The following BRINP3 variants were observed in gnomAD, a reference collection of about 807,000 sequenced individuals.
BRINP3 encodes the protein BMP/retinoic acid-inducible neural-specific protein 3.
Under a neutral mutation model 71.0 loss-of-function variants are expected in BRINP3, and 19 were observed. The observed-to-expected ratio is 0.27, with a 90% CI of 0.19 to 0.39. The LOEUF is 0.39. BRINP3 is among the 10% of genes least tolerant of loss of function. The pLI, the probability that BRINP3 is intolerant of heterozygous loss-of-function variation, is 1.00. For missense variants in BRINP3, 959 were observed against 940.8 expected (o/e 1.02, Z -0.25); for synonymous variants, 380 against 337.7 (o/e 1.13, Z -1.37).
chr1:190,368,824 T>C (rs537669231), intron 2 of BRINP3, among the ~76,000 whole-genome samples: 3 of 152,192 alleles, frequency 2.0e-5, no homozygotes, highest in Non-Finnish European at 1.5e-5. Flanking sequence ...CGTCTTTAGA[T>C]GAATGTACAC....
chr1:190,404,642 G>A (rs761000275), intron 2 of BRINP3, among the ~76,000 whole-genome samples: 1 of 152,072 alleles, frequency 6.6e-6, no homozygotes, highest in Non-Finnish European at 1.5e-5. Context: ...TCTTTCATAC[G>A]CATTATGTCA....
At chr1:190,300,569 G>A (rs997945757) in intron 2 of BRINP3, among the ~76,000 whole-genome samples, 1 of 152,174 alleles carries the variant, frequency 6.6e-6, no homozygotes, top group Non-Finnish European at 1.5e-5. Context: ...CCAGCACGCA[G>A]CTGGAGATCT....
intron 6 of BRINP3, among the ~76,000 whole-genome samples, chr1:190,223,885 A>G (rs1042970152): frequency 6.6e-6 from 1 of 151,898 alleles, no homozygotes; most frequent in African/African-American, 2.4e-5. Context: ...AAGCAACCTC[A>G]TTTACTATGG....
chr1:190,188,786 G>A (rs1434571437), intron 6 of BRINP3, among the ~76,000 whole-genome samples: 1 of 151,464 alleles, frequency 6.6e-6, no homozygotes, highest in African/African-American at 2.4e-5. Context: ...ACATGGTGGA[G>A]TCTTGCTCTT....
intron 6 of BRINP3, among the ~76,000 whole-genome samples, chr1:190,222,988 A>T (rs1166836715): frequency 2.0e-5 from 3 of 151,874 alleles, no homozygotes; most frequent in Admixed American, 6.6e-5. Flanking sequence ...ATAAAAAAAA[A>T]ATTAACAAGC....
At chr1:190,138,143 G>A (rs532138351) in intron 7 of BRINP3, among the ~76,000 whole-genome samples, 12 of 151,916 alleles carry the variant, frequency 7.9e-5, no homozygotes, top group Non-Finnish European at 1.6e-4. Flanking sequence ...TAGTAAAGAC[G>A]GGGTTTCTCC....
chr1:190,440,895 TA>T (rs1234904735), intron 2 of BRINP3, among the ~76,000 whole-genome samples: 1 of 151,864 alleles, frequency 6.6e-6, no homozygotes, highest in Non-Finnish European at 1.5e-5. Flanking sequence ...ACAATTCTAA[TA>T]AAAAACTGAA....
intron 2 of BRINP3, among the ~76,000 whole-genome samples, chr1:190,346,721 G>C (rs1668046283): frequency 6.6e-6 from 1 of 151,946 alleles, no homozygotes; most frequent in South Asian, 2.1e-4. Flanking sequence ...TGAGTACCCA[G>C]TTTAGACTTT....
chr1:190,212,544 GT>G (rs1656076970), intron 6 of BRINP3, among the ~76,000 whole-genome samples: 2 of 152,002 alleles, frequency 1.3e-5, no homozygotes, highest in Admixed American at 6.6e-5. Flanking sequence ...AGATTATGAT[GT>G]TTTCAGTTTC....
intron 2 of BRINP3, among the ~76,000 whole-genome samples, chr1:190,346,634 T>C (rs1668040127): frequency 6.6e-6 from 1 of 152,128 alleles, no homozygotes; most frequent in Admixed American, 6.6e-5. Context: ...CATTTTTTAA[T>C]ACAAAGTGCT....
At chr1:190,368,849 T>C (rs1007232567) in intron 2 of BRINP3, among the ~76,000 whole-genome samples, 1 of 152,176 alleles carries the variant, frequency 6.6e-6, no homozygotes, top group Admixed American at 6.5e-5. Context: ...TGCATAGACA[T>C]ATAGATTAGA....
At chr1:190,181,089 C>T (rs1019880649) in intron 6 of BRINP3, among the ~76,000 whole-genome samples, 2 of 152,084 alleles carry the variant, frequency 1.3e-5, no homozygotes, top group African/African-American at 4.8e-5. Context: ...CTGGCAAACA[C>T]TACCCAATCG....
intron 2 of BRINP3, among the ~76,000 whole-genome samples, chr1:190,426,581 C>T (rs1243850628): frequency 6.6e-6 from 1 of 151,668 alleles, no homozygotes; most frequent in Non-Finnish European, 1.5e-5. Context: ...TTTGGGATTT[C>T]AGATTTTTCA....
chr1:190,355,893 T>C (rs1259507655), intron 2 of BRINP3, among the ~76,000 whole-genome samples: 1 of 151,960 alleles, frequency 6.6e-6, no homozygotes, highest in African/African-American at 2.4e-5. Flanking sequence ...GAGTATAGGA[T>C]TGCATTTCTA....
intron 2 of BRINP3, among the ~76,000 whole-genome samples, chr1:190,350,014 A>G (rs1668272180): frequency 6.6e-6 from 1 of 152,122 alleles, no homozygotes; most frequent in Non-Finnish European, 1.5e-5. Context: ...GAATAAAAGG[A>G]GAATACAAGG....
intron 6 of BRINP3, among the ~76,000 whole-genome samples, chr1:190,207,879 A>G (rs1020923784): frequency 5.3e-5 from 8 of 152,112 alleles, no homozygotes; most frequent in Non-Finnish European, 1.0e-4. Context: ...TTGATAGCAA[A>G]TATTAACCGT....
chr1:190,104,097 T>C (rs1299614588), intron 7 of BRINP3, among the ~76,000 whole-genome samples: 7 of 152,028 alleles, frequency 4.6e-5, no homozygotes. Context: ...AAGTTTTGTT[T>C]CACAGAATAA....
chr1:190,452,447 A>G (rs1469957501), intron 2 of BRINP3, among the ~76,000 whole-genome samples: 1 of 152,258 alleles, frequency 6.6e-6, no homozygotes, highest in Non-Finnish European at 1.5e-5. Context: ...AGTGAGTTGC[A>G]TAAAAACCAA....
chr1:190,320,371 A>T (rs1351446610), intron 2 of BRINP3, among the ~76,000 whole-genome samples: 1 of 152,144 alleles, frequency 6.6e-6, no homozygotes, highest in Non-Finnish European at 1.5e-5. Flanking sequence ...CACAATGAAC[A>T]TTGTTAGGAG....
Sources: gnomAD v4.1 joint callset for allele counts (sites outside exome capture counted in the v4.1 genomes callset) on GRCh38, gnomAD v4.1.1 for gene constraint, MANE v1.5 for transcripts, NCBI Gene and HGNC (gene_info 2026-07-23, HGNC 2026-07-21) for gene names.